The following GABRA5 variants were observed in gnomAD, a reference collection of about 807,000 sequenced individuals.
The protein encoded by GABRA5 is gamma-aminobutyric acid type A receptor subunit alpha5.
GABRA5 carries 18 observed loss-of-function variants against 47.3 expected under a neutral mutation model. The ratio of observed to expected loss-of-function variants is 0.38; its 90% CI spans 0.26 to 0.56. GABRA5 has a LOEUF of 0.56. Ranked by LOEUF, GABRA5 falls within the 20% of genes least tolerant of loss-of-function variation. The pLI, the probability that GABRA5 is intolerant of heterozygous loss-of-function variation, is 0.71. For missense variants in GABRA5, 365 were observed against 599.3 expected, an observed-to-expected ratio of 0.61 and a Z score of 4.08; for synonymous variants, 237 against 229.3, an observed-to-expected ratio of 1.03 and a Z score of -0.30.
At chr15:26,924,053 T>A (rs1198527806) in intron 7 of GABRA5, among the ~76,000 whole-genome samples, 1 of 151,970 alleles carries the variant, frequency 6.6e-6, no homozygotes, top group Non-Finnish European at 1.5e-5. Context: ...CTGATCTCTG[T>A]CATCTCTGCT....
intron 6 of GABRA5, among the ~76,000 whole-genome samples, chr15:26,898,335 A>G (rs1893248137): frequency 6.6e-6 from 1 of 152,172 alleles, no homozygotes; most frequent in South Asian, 2.1e-4. Context: ...TCTGAGTGTC[A>G]CTTTATACAT....
At chr15:26,878,959 A>G (rs72712066) in intron 3 of GABRA5, among the ~76,000 whole-genome samples, 16,525 of 152,204 alleles carry the variant, frequency 0.11, 1,325 homozygotes, top group African/African-American at 0.22. Flanking sequence ...CACGGAAAAC[A>G]ACGCTCACAG....
In GABRA5 at chr15:26,923,912, A is replaced by AT. The variant is rs569522995; in HGVS notation, c.580+9036dup. 0.012 allele frequency among the ~76,000 whole-genome samples: 1,814 copies of AT among 149,314 alleles called. 108 individuals carry two copies. In the East Asian group the frequency reaches 0.19, roughly 16 times the overall value. On this transcript the variant is annotated intron_variant, in intron 7 of 10. Transcript: ENST00000335625. ...TTTACTTTTTAATTCTAAAACTTCT[A>AT]TTTTTTTTTCTATAGCTTCTGTTCT...
At chr15:26,890,597 ATCCTTCATGTCC>A (rs1566869028) in intron 6 of GABRA5, among the ~76,000 whole-genome samples, 2 of 151,950 alleles carry the variant, frequency 1.3e-5, no homozygotes, top group African/African-American at 4.8e-5. Flanking sequence ...CAGCCACACC[ATCCTTCATGTCC>A]TCAGTCACTG....
intron 6 of GABRA5, among the ~76,000 whole-genome samples, chr15:26,900,955 C>T (rs1234488007): frequency 6.6e-6 from 1 of 151,996 alleles, no homozygotes; most frequent in African/African-American, 2.4e-5. Flanking sequence ...AGAATCATAC[C>T]GTGTGTCATA....
intron 7 of GABRA5, among the ~76,000 whole-genome samples, chr15:26,934,121 A>G (rs1894175331): frequency 6.6e-6 from 1 of 152,066 alleles, no homozygotes. Context: ...GCATGGTGGC[A>G]GGTACCTGTA....
intron 6 of GABRA5, among the ~76,000 whole-genome samples, chr15:26,900,752 C>T (rs9744083): frequency 0.02 from 3,062 of 152,024 alleles, 102 homozygotes; most frequent in African/African-American, 0.07. Context: ...CTCTTGGTGG[C>T]GTACATTCTG....
chr15:26,934,813 C>G (rs1894197246), intron 7 of GABRA5, among the ~76,000 whole-genome samples: 2 of 152,266 alleles, frequency 1.3e-5, no homozygotes, highest in South Asian at 4.1e-4. Flanking sequence ...GAATTTGTGC[C>G]ACTGCCACCT....
intron 6 of GABRA5, among the ~76,000 whole-genome samples, chr15:26,898,489 T>C (rs1391096171): frequency 2.0e-5 from 3 of 152,178 alleles, no homozygotes; most frequent in Non-Finnish European, 4.4e-5. Context: ...TAGCTCAAAG[T>C]ATTCATTGGT....
At chr15:26,888,637 G>A (rs1448636662) in intron 6 of GABRA5, among the ~76,000 whole-genome samples, 3 of 152,178 alleles carry the variant, frequency 2.0e-5, no homozygotes, top group Non-Finnish European at 4.4e-5. Context: ...AGTACAGGGT[G>A]GCCACCTGTT....
chr15:26,869,818 T>A (rs1475262471), intron 3 of GABRA5, among the ~76,000 whole-genome samples: 1 of 152,236 alleles, frequency 6.6e-6, no homozygotes, highest in Admixed American at 6.5e-5. Flanking sequence ...GCCCTAGAAC[T>A]GTGACCATCT....
At position 26,943,406 on chromosome 15, in the gene GABRA5, T is replaced by C. The variant is rs1443470817; in HGVS notation, c.1069T>C (p.Leu357=). 5.0e-6 allele frequency: 8 copies of C among 1,593,110 alleles called. No homozygotes were observed. Among genetic ancestry groups the C allele is most frequent in the South Asian group, 4.6e-5 (4 of 87,310 alleles). The change falls in exon 10 of 11, where the codon TTG becomes CTG. Residue 357 remains leucine, a synonymous_variant. Transcript: ENST00000335625. ...CTGGGCCTGGGATGGCAAAAAAGCCTTGGAAGCAGCCAAGATCAAGGTACT... is the reference window on the plus strand; with the variant it reads ...CTGGGCCTGGGATGGCAAAAAAGCCCTGGAAGCAGCCAAGATCAAGGTACT... The part of the protein sequence containing the change: ...RGWAWDGKKA[L]EAAKIKKKRE...
chr15:26,895,582 G>C (rs997662144), intron 6 of GABRA5, among the ~76,000 whole-genome samples: 5 of 151,838 alleles, frequency 3.3e-5, no homozygotes, highest in African/African-American at 1.2e-4. Flanking sequence ...GGTGGCCGAA[G>C]CTGGCGGATC....
chr15:26,911,588 G>A (rs1279256919), intron 6 of GABRA5, among the ~76,000 whole-genome samples: 1 of 152,136 alleles, frequency 6.6e-6, no homozygotes. Context: ...CACGGTATTG[G>A]CCAGGAGAGG....
chr15:26,948,304 C>A lies in GABRA5; in HGVS notation c.*71C>A. The A allele has an allele frequency of 6.9e-7, 1 of 1,445,302 alleles. No homozygotes were observed. Among genetic ancestry groups the A allele is most frequent in the South Asian group, 1.3e-5 (1 of 76,778 alleles). The allele number at this position is 1,445,302 out of a possible 1,614,324, so 89.5% of individuals were successfully genotyped here. ...TGGTACCAAGGAGAGGTCTTGCTCA[C>A]AGGGACTCTCCATATGTGAGCACTA... On this transcript the variant is annotated 3_prime_UTR_variant, in exon 11 of 11. Transcript: ENST00000335625.
chr15:26,925,317 A>G (rs1035284149), intron 7 of GABRA5, among the ~76,000 whole-genome samples: 7 of 152,216 alleles, frequency 4.6e-5, no homozygotes, highest in African/African-American at 1.7e-4. Flanking sequence ...CATGTTTTTA[A>G]CCATTGTCTT....
At chr15:26,910,818 T>C (rs1893563941) in intron 6 of GABRA5, among the ~76,000 whole-genome samples, 1 of 152,036 alleles carries the variant, frequency 6.6e-6, no homozygotes, top group South Asian at 2.1e-4. Context: ...TGATTTTCTT[T>C]ATCGAAAAAG....
intron 6 of GABRA5, among the ~76,000 whole-genome samples, chr15:26,898,142 T>C (rs1231714035): frequency 6.6e-6 from 1 of 152,208 alleles, no homozygotes; most frequent in Non-Finnish European, 1.5e-5. Context: ...TTGGATCACT[T>C]TCTTAGAAAT....
At chr15:26,922,787 G>A (rs954607377) in intron 7 of GABRA5, among the ~76,000 whole-genome samples, 3 of 152,130 alleles carry the variant, frequency 2.0e-5, no homozygotes, top group African/African-American at 4.8e-5. Context: ...AAGAGACAAG[G>A]TCTTGCTTTG....
Sources: allele counts gnomAD v4.1 joint callset (sites outside exome capture counted in the v4.1 genomes callset), GRCh38; gene constraint gnomAD v4.1.1; transcripts MANE v1.5; gene names NCBI Gene and HGNC (gene_info 2026-07-23, HGNC 2026-07-21).